KCND2: variants seen among roughly 807,000 people sequenced by gnomAD.
The protein encoded by KCND2 is A-type voltage-gated potassium channel KCND2.
Under a neutral mutation model 54.4 loss-of-function variants are expected in KCND2, and 16 were observed. The ratio of observed to expected loss-of-function variants is 0.29; its 90% confidence interval spans 0.20 to 0.45. KCND2 has a LOEUF of 0.45. Among genes scored for constraint, KCND2 ranks in the 20% least tolerant of loss-of-function variants. The probability of loss-of-function intolerance (pLI) is 1.00; values close to 1 mark genes in which losing one functional copy is unlikely to be tolerated. For synonymous variants in KCND2, 317 were observed against 310.7 expected (o/e 1.02, Z -0.21); for missense variants, 486 against 824.2 (o/e 0.59, Z 5.02).
At chr7:120,299,537 A>G (rs186397200) in intron 1 of KCND2, among the ~76,000 whole-genome samples, 27 of 152,336 alleles carry the variant, frequency 1.8e-4, no homozygotes, top group African/African-American at 6.3e-4. Flanking sequence ...ACCTAAAACT[A>G]AAAATTATTT....
At chr7:120,486,457 AT>A (rs1377229228) in intron 1 of KCND2, among the ~76,000 whole-genome samples, 2 of 152,122 alleles carry the variant, frequency 1.3e-5, no homozygotes, top group Admixed American at 6.6e-5. Flanking sequence ...GGTAAGGAAG[AT>A]TGATTGAAAA....
chr7:120,347,012 T>C (rs530173754), intron 1 of KCND2, among the ~76,000 whole-genome samples: 4 of 152,116 alleles, frequency 2.6e-5, no homozygotes, highest in South Asian at 2.1e-4. Context: ...GGGTAAAATA[T>C]GTTTGCTAGC....
chr7:120,713,882 A>C (rs937371573), intron 1 of KCND2, among the ~76,000 whole-genome samples: 3 of 152,134 alleles, frequency 2.0e-5, no homozygotes, highest in Admixed American at 6.6e-5. Context: ...GGTTTGGCTT[A>C]ATTTTTCTGG....
At chr7:120,569,642 A>G (rs531950671) in intron 1 of KCND2, among the ~76,000 whole-genome samples, 4 of 152,208 alleles carry the variant, frequency 2.6e-5, no homozygotes, top group South Asian at 4.1e-4. Flanking sequence ...CATAAAGAAA[A>G]CTTTCTTTAT....
intron 1 of KCND2, among the ~76,000 whole-genome samples, chr7:120,619,645 A>G (rs1030521668): frequency 1.3e-5 from 2 of 152,214 alleles, no homozygotes; most frequent in South Asian, 2.1e-4. Flanking sequence ...TAGAAAATCA[A>G]CCACTGAGGT....
At chr7:120,411,002 G>C (rs1801442463) in intron 1 of KCND2, among the ~76,000 whole-genome samples, 1 of 151,818 alleles carries the variant, frequency 6.6e-6, no homozygotes, top group South Asian at 2.1e-4. Context: ...AATTGTCCCT[G>C]TTTACAGAAG....
At chr7:120,427,452 G>A (rs1801727247) in intron 1 of KCND2, among the ~76,000 whole-genome samples, 1 of 152,054 alleles carries the variant, frequency 6.6e-6, no homozygotes, top group African/African-American at 2.4e-5. Context: ...CTTTACATTA[G>A]AACATTCTTC....
chr7:120,516,642 A>G (rs2116340224), intron 1 of KCND2, among the ~76,000 whole-genome samples: 1 of 152,232 alleles, frequency 6.6e-6, no homozygotes, highest in African/African-American at 2.4e-5. Flanking sequence ...GGACTCTCCA[A>G]GTGCTGAAAG....
intron 1 of KCND2, among the ~76,000 whole-genome samples, chr7:120,454,261 G>A (rs1407782475): frequency 2.0e-5 from 3 of 151,988 alleles, no homozygotes; most frequent in African/African-American, 7.2e-5. Flanking sequence ...AAGATCATGA[G>A]CCCAGGAGTT....
At chr7:120,425,350 T>C (rs557179044) in intron 1 of KCND2, among the ~76,000 whole-genome samples, 9 of 152,372 alleles carry the variant, frequency 5.9e-5, no homozygotes, top group South Asian at 2.1e-4. Context: ...CAAACACTTA[T>C]GTAGCCAAGG....
At chr7:120,538,186 A>G (rs1791934854) in intron 1 of KCND2, among the ~76,000 whole-genome samples, 1 of 152,150 alleles carries the variant, frequency 6.6e-6, no homozygotes, top group Non-Finnish European at 1.5e-5. Flanking sequence ...CAGAGAGGGC[A>G]AAGGAGAGGG....
intron 1 of KCND2, among the ~76,000 whole-genome samples, chr7:120,677,259 C>T (rs541966071): frequency 6.6e-6 from 1 of 152,102 alleles, no homozygotes; most frequent in African/African-American, 2.4e-5. Context: ...AATGGAAATG[C>T]AAAGTATTTG....
At chr7:120,640,377 A>G (rs1793356116) in intron 1 of KCND2, among the ~76,000 whole-genome samples, 1 of 152,202 alleles carries the variant, frequency 6.6e-6, no homozygotes, top group African/African-American at 2.4e-5. Context: ...GAACCCTTTC[A>G]TTAAATAGTT....
chr7:120,407,226 A>T (rs1368468099), intron 1 of KCND2, among the ~76,000 whole-genome samples: 1 of 152,050 alleles, frequency 6.6e-6, no homozygotes, highest in Non-Finnish European at 1.5e-5. Context: ...ACATAGAACA[A>T]AACTTAGGAA....
chr7:120,601,218 G>A (rs879557662), intron 1 of KCND2, among the ~76,000 whole-genome samples: 1 of 152,058 alleles, frequency 6.6e-6, no homozygotes, highest in Non-Finnish European at 1.5e-5. Context: ...CACCTTAGGA[G>A]TTGGTACTAT....
chr7:120,421,059 A>G (rs1053504607), intron 1 of KCND2, among the ~76,000 whole-genome samples: 6 of 152,248 alleles, frequency 3.9e-5, no homozygotes, highest in African/African-American at 1.4e-4. Context: ...AAATGCATCA[A>G]TAACGGTAAT....
At chr7:120,353,132 A>ATTTTTTTTTT (rs1491194211) in intron 1 of KCND2, among the ~76,000 whole-genome samples, 3 of 75,040 alleles carry the variant, frequency 4.0e-5, no homozygotes, top group Non-Finnish European at 5.8e-5. Flanking sequence ...AAATACTTTT[A>ATTTTTTTTTT]CTTTTTTTTT....
chr7:120,411,174 T>C (rs1801444872), intron 1 of KCND2, among the ~76,000 whole-genome samples: 1 of 152,030 alleles, frequency 6.6e-6, no homozygotes, highest in South Asian at 2.1e-4. Flanking sequence ...ATCTTGAGTG[T>C]TTTAATAATT....
chr7:120,668,747 C>T (rs1051314667), intron 1 of KCND2, among the ~76,000 whole-genome samples: 1 of 151,964 alleles, frequency 6.6e-6, no homozygotes. Flanking sequence ...AAGATATTTG[C>T]AGGAAACCAT....
Sources: gnomAD v4.1 joint callset for allele counts (sites outside exome capture counted in the v4.1 genomes callset) on GRCh38, gnomAD v4.1.1 for gene constraint, MANE v1.5 for transcripts, NCBI Gene and HGNC (gene_info 2026-07-23, HGNC 2026-07-21) for gene names.